The following MAK variants were observed in gnomAD, a reference collection of about 807,000 sequenced individuals.
MAK encodes male germ cell associated kinase, also known as serine/threonine-protein kinase MAK.
In MAK, 65 loss-of-function variants were observed where a neutral mutation model predicts 82.6. The ratio of observed to expected loss-of-function variants is 0.79; its 90% CI spans 0.64 to 0.97. MAK has a LOEUF of 0.97. MAK is among the 50% of genes least tolerant of loss of function. MAK has a pLI of 0.00. For missense variants in MAK, 703 were observed against 780.2 expected, an observed-to-expected ratio of 0.90 and a Z score of 1.18; for synonymous variants, 250 against 274.2, an observed-to-expected ratio of 0.91 and a Z score of 0.87.
chr6:10,829,361 C>G (rs797000605), intron 2 of MAK, among the ~76,000 whole-genome samples: 1 of 152,108 alleles, frequency 6.6e-6, no homozygotes, highest in African/African-American at 2.4e-5. Context: ...GATTTTGAGA[C>G]CTTGTTTTAA....
intron 3 of MAK, 54 bp downstream of exon 3, chr6:10,818,832 G>A: frequency 1.1e-6 from 1 of 914,690 alleles, no homozygotes; most frequent in South Asian, 1.3e-5. Context: ...CTTAACTACG[G>A]TCCTCAGGTA....
intron 8 of MAK, among the ~76,000 whole-genome samples, chr6:10,798,826 A>ATTTC (rs1244398088): frequency 9.4e-5 from 14 of 149,676 alleles, no homozygotes; most frequent in African/African-American, 3.2e-4. Flanking sequence ...TTATTTATTT[A>ATTTC]TTTATTTATT....
At chr6:10,798,798 CATT>C (rs35096522) in intron 8 of MAK, among the ~76,000 whole-genome samples, 2 of 145,246 alleles carry the variant, frequency 1.4e-5, no homozygotes, top group African/African-American at 2.6e-5. Context: ...AGTTTAGAAA[CATT>C]ATTTATTTAT....
intron 1 of MAK, among the ~76,000 whole-genome samples, chr6:10,831,932 A>G (rs1562010578): frequency 6.6e-6 from 1 of 152,208 alleles, no homozygotes; most frequent in South Asian, 2.1e-4. Context: ...CTGAAAAGAC[A>G]AAAAAGAATT....
In MAK at chr6:10,830,839, A is replaced by C; in HGVS notation, c.-191T>G. The C allele has an allele frequency of 3.2e-6, 2 of 626,104 alleles. 1 individual carries two copies. The allele number at this position is 626,104 out of a possible 1,614,324, so 38.8% of individuals were successfully genotyped here. ...GGTTCATGAGATATAGCATGAAGGA[A>C]TCGGGCAAGGAAACAACACTTCCAT... On this transcript the variant is annotated 5_prime_UTR_variant, in exon 2 of 15. Coordinates refer to ENST00000354489, the MANE Select transcript of MAK (RefSeq NM_001242957.3).
rs760809915 is a variant in MAK at position 10,808,837 on chromosome 6, G to C, written c.464C>G (p.Pro155Arg). ...TCTGGTAGATACATAATCAGTGTATGGTGGCTGTGACCTTAATTCTCTTGC... is the reference window on the plus strand; with the variant it reads ...TCTGGTAGATACATAATCAGTGTATCGTGGCTGTGACCTTAATTCTCTTGC... ...GLARELRSQP[P>R]YTDYVSTRWY... The change falls in exon 6 of 15, where the codon CCA becomes CGA. Residue 155 changes from proline (P) to arginine (R), a missense_variant. Pro to Arg is a moderately radical substitution (Grantham distance 103). Transcript: ENST00000354489. 1 of 1,613,826 alleles carries C rather than the reference G, an allele frequency of 6.2e-7. No individual in the cohort carries two copies.
intron 9 of MAK, among the ~76,000 whole-genome samples, chr6:10,794,216 A>G (rs1196154681): frequency 1.3e-5 from 2 of 152,216 alleles, no homozygotes; most frequent in African/African-American, 4.8e-5. Context: ...GAACTGTTCC[A>G]AAGATAAAAG....
chr6:10,766,643 G>T (rs926625452), intron 14 of MAK, among the ~76,000 whole-genome samples: 1 of 152,168 alleles, frequency 6.6e-6, no homozygotes, highest in Non-Finnish European at 1.5e-5. Context: ...TCACCCATGT[G>T]GGCCACAGGT....
At chr6:10,829,893 G>C (rs1372154962) in intron 2 of MAK, among the ~76,000 whole-genome samples, 1 of 151,866 alleles carries the variant, frequency 6.6e-6, no homozygotes, top group Non-Finnish European at 1.5e-5. Flanking sequence ...CTGGAGTGCA[G>C]TGGTGCAATC....
intron 6 of MAK, among the ~76,000 whole-genome samples, chr6:10,804,125 C>T (rs1776227436): frequency 6.6e-6 from 1 of 152,082 alleles, no homozygotes; most frequent in East Asian, 1.9e-4. Flanking sequence ...AAATGTCCAT[C>T]AAGCCTAAGA....
intron 5 of MAK, among the ~76,000 whole-genome samples, chr6:10,813,120 ATATATATATATATAAAT>A (rs1777137072): frequency 0.015 from 24 of 1,586 alleles, 5 homozygotes; most frequent in South Asian, 0.045. Context: ...ATATATATAT[ATATATATATATATAAAT>A]TTTTTTTTTT....
intron 4 of MAK, among the ~76,000 whole-genome samples, chr6:10,816,399 A>C (rs182483700): frequency 1.3e-5 from 2 of 150,706 alleles, no homozygotes; most frequent in South Asian, 2.1e-4. Context: ...AAAATAGATG[A>C]AAATTTAATA....
At chr6:10,797,704 C>T (rs1465138066) in intron 8 of MAK, 13 of 1,109,478 alleles carry the variant, frequency 1.2e-5, no homozygotes, top group Non-Finnish European at 1.4e-5. Flanking sequence ...TTTAGCCAGT[C>T]CCCACATAGG....
intron 11 of MAK, among the ~76,000 whole-genome samples, chr6:10,777,894 T>C (rs571297899): frequency 6.2e-4 from 95 of 152,312 alleles, no homozygotes; most frequent in African/African-American, 2.1e-3. Flanking sequence ...TGCCTCAGCC[T>C]CCCAAAGTGC....
intron 7 of MAK, 132 bp downstream of exon 7, chr6:10,803,588 G>A (rs919933224): frequency 2.3e-5 from 16 of 693,964 alleles, no homozygotes; most frequent in Non-Finnish European, 3.7e-5. Flanking sequence ...ATTAAAGTAT[G>A]AGCCTATTTC....
In MAK at chr6:10,769,203, G is replaced by C. The variant is rs561027136; in HGVS notation, c.1792+908C>G. Among the ~76,000 whole-genome samples the C allele has an allele frequency of 1.4e-4, 22 of 152,080 alleles. 1 individual carries two copies. Among genetic ancestry groups the C allele is most frequent in the Non-Finnish European group, 1.8e-4 (12 of 68,028 alleles). ...CACTCCAGCCTGGGTGACAGAGCAAGGCTTTTTCTCTATAAAAAAGAATTA... is the reference window on the plus strand; with the variant it reads ...CACTCCAGCCTGGGTGACAGAGCAACGCTTTTTCTCTATAAAAAAGAATTA... On this transcript the variant is annotated intron_variant, in intron 14 of 14. Coordinates refer to ENST00000354489, the MANE Select transcript of MAK (RefSeq NM_001242957.3).
chr6:10,771,556 C>T (rs1303135367), intron 13 of MAK, among the ~76,000 whole-genome samples: 2 of 152,170 alleles, frequency 1.3e-5, no homozygotes, highest in African/African-American at 4.8e-5. Context: ...TGATCACCCT[C>T]GTGGTTTCAA....
chr6:10,796,379 T>C, intron 8 of MAK, 70 bp from the exon 9 acceptor site: 1 of 1,335,810 alleles, frequency 7.5e-7, no homozygotes, highest in African/African-American at 1.4e-5. Context: ...TAAACTATGG[T>C]TGGCCCTGTG....
chr6:10,833,956 G>A (rs946364318), intron 1 of MAK, among the ~76,000 whole-genome samples: 23 of 152,136 alleles, frequency 1.5e-4, no homozygotes, highest in Middle Eastern at 3.4e-3. Flanking sequence ...CTCTCTGCAC[G>A]GTTCCTAATC....
Sources: gnomAD v4.1 joint callset for allele counts (sites outside exome capture counted in the v4.1 genomes callset) on GRCh38, gnomAD v4.1.1 for gene constraint, MANE v1.5 for transcripts, NCBI Gene and HGNC (gene_info 2026-07-23, HGNC 2026-07-21) for gene names.